The following PIK3R4 variants were observed in gnomAD, a reference collection of about 807,000 sequenced individuals.
PIK3R4 encodes the protein phosphoinositide 3-kinase regulatory subunit 4.
PIK3R4 carries 46 observed loss-of-function variants against 136.5 expected under a neutral mutation model. That is an observed-to-expected ratio of 0.34 (90% CI 0.27 to 0.43). The LOEUF is 0.43. Ranked by LOEUF, PIK3R4 falls within the 20% of genes least tolerant of loss-of-function variation. PIK3R4 has a pLI of 1.00. For synonymous variants in PIK3R4, 557 were observed against 566.7 expected, an observed-to-expected ratio of 0.98 and a Z score of 0.24; for missense variants, 1,331 against 1,649.5, an observed-to-expected ratio of 0.81 and a Z score of 3.35.
intron 6 of PIK3R4, 149 bp from the exon 7 acceptor site, chr3:130,723,736 A>G (rs1043246044): frequency 1.7e-6 from 1 of 577,990 alleles, no homozygotes; most frequent in African/African-American, 1.9e-5. Flanking sequence ...TGATAAAGTT[A>G]AAAAGACCCA....
Position 130,728,173 on chromosome 3 carries a change from T to C in PIK3R4, c.1807+290A>G, listed in dbSNP as rs1444052146. ...TTTAAGAGGATTTACAACCTACTTA[T>C]GTCACTTTAACATACTTCATGGTAC... is the stretch of plus-strand genomic sequence containing the variant. On this transcript the variant is annotated intron_variant, in intron 6 of 19. Coordinates refer to ENST00000356763, the MANE Select transcript of PIK3R4 (RefSeq NM_014602.3). 4.6e-5 allele frequency among the ~76,000 whole-genome samples: 7 copies of C among 152,344 alleles called. No homozygotes were observed. The East Asian group carries it at 1.2e-3, about 25-fold the overall frequency.
intron 7 of PIK3R4, among the ~76,000 whole-genome samples, chr3:130,722,163 T>C (rs1056336051): frequency 6.9e-6 from 1 of 144,550 alleles, no homozygotes; most frequent in Admixed American, 7.4e-5. Flanking sequence ...TGTTTTTTAC[T>C]TTTAAACAGT....
At position 130,679,076 on chromosome 3, in the gene PIK3R4, C is replaced by CAT; in HGVS notation, c.*237_*238dup. ...TATTTTACATTTCTCACCTCTATAACATATACAATAAAAATCCCAGACATT... is the reference window on the plus strand; with the variant it reads ...TATTTTACATTTCTCACCTCTATAACATATATACAATAAAAATCCCAGACATT... On this transcript the variant is annotated 3_prime_UTR_variant, in exon 20 of 20. Coordinates refer to ENST00000356763, the MANE Select transcript of PIK3R4 (RefSeq NM_014602.3). The CAT allele has an allele frequency of 3.6e-6, 1 of 280,114 alleles. No individual in the cohort carries two copies. Among genetic ancestry groups the CAT allele is most frequent in the Non-Finnish European group, 6.6e-6 (1 of 150,986 alleles). The allele number at this position is 280,114 out of a possible 1,614,324, so 17.4% of individuals were successfully genotyped here.
chr3:130,733,791 G>C lies in PIK3R4; in HGVS notation c.1207C>G (p.Leu403Val). 6.2e-7 allele frequency: 1 copy of C among 1,614,120 alleles called. No individual in the cohort carries two copies. Among genetic ancestry groups the C allele is most frequent in the Non-Finnish European group, 8.5e-7 (1 of 1,179,980 alleles). The change falls in exon 4 of 20, where the codon CTT (leucine) becomes GTT (valine). Residue 403 changes from leucine (L) to valine (V), a missense_variant. Transcript: ENST00000356763. ...ACACTTAATCTTGGAGCCAAATGAA[G>C]AATCAGTTCCAAAGCAGCTAGTTTG... ...DSKLAALELI[L>V]HLAPRLSVEI... is the part of the protein sequence containing the mutation.
At chr3:130,728,284 C>T (rs947541208) in intron 6 of PIK3R4, among the ~76,000 whole-genome samples, 179 bp downstream of exon 6, 3 of 152,062 alleles carry the variant, frequency 2.0e-5, no homozygotes, top group Non-Finnish European at 4.4e-5. Flanking sequence ...ATATACCAAC[C>T]CTTTATTTTA....
chr3:130,728,811 A>C lies in PIK3R4; in HGVS notation c.1586-127T>G, dbSNP rs570364657. On this transcript the variant is annotated intron_variant, in intron 5 of 19. Coordinates refer to ENST00000356763, the MANE Select transcript of PIK3R4 (RefSeq NM_014602.3). Reference sequence around the variant, plus strand: ...ATCAGAGAGACTGATTACAGAATCCACCGAAGACTTTAATCACCAATTTTT... The same window carrying C: ...ATCAGAGAGACTGATTACAGAATCCCCCGAAGACTTTAATCACCAATTTTT... 1.0e-4 allele frequency: 62 copies of C among 601,642 alleles called. No individual in the cohort carries two copies. In the South Asian group the frequency reaches 1.9e-3, roughly 19 times the overall value. The allele number at this position is 601,642 out of a possible 1,614,324, so 37.3% of individuals were successfully genotyped here. A position where few individuals can be genotyped will look rare whatever the true frequency, so the allele number is the denominator to read the frequency against.
Position 130,744,899 on chromosome 3 carries a change from C to T in PIK3R4, c.320G>A (p.Arg107Gln), listed in dbSNP as rs267599606. ...ACTGATGCGATCATAGAGATTGTCT[C>T]GCACATACTGCCTAAAGAGCATAGC... ...KAAMLFRQYV[R>Q]DNLYDRISTR... is the part of the protein sequence containing the mutation. Residue 107 changes from arginine to glutamine, a missense_variant, in exon 2 of 20, where the codon CGA (arginine) becomes CAA (glutamine). Physicochemically the swap from Arg to Gln is conservative, Grantham distance 43 (BLOSUM62 1). Around this residue, in one of 2 missense-constraint regions of PIK3R4, gnomAD observed 151 missense variants for 242.5 expected, o/e 0.62. Coordinates refer to ENST00000356763, the MANE Select transcript of PIK3R4 (RefSeq NM_014602.3). 1 of 1,614,196 alleles carries T rather than the reference C, an allele frequency of 6.2e-7. No homozygotes were observed. The highest frequency in any genetic ancestry group is 8.5e-7 in the Non-Finnish European group (1 of 1,180,030).
chr3:130,743,814 T>A (rs775179223), intron 2 of PIK3R4, among the ~76,000 whole-genome samples: 19 of 152,144 alleles, frequency 1.2e-4, no homozygotes, highest in Non-Finnish European at 2.4e-4. Flanking sequence ...CAAAATTCAC[T>A]CTCCATGCTC....
At chr3:130,707,174 C>G (rs776845535) in intron 10 of PIK3R4, 39 bp from the exon 11 acceptor site, 9 of 1,449,132 alleles carry the variant, frequency 6.2e-6, no homozygotes, top group South Asian at 1.3e-5. Flanking sequence ...CTGAAGGTAG[C>G]CTTTAAAACC....
intron 7 of PIK3R4, among the ~76,000 whole-genome samples, chr3:130,722,071 CAT>C (rs1343672341): frequency 4.6e-5 from 7 of 151,980 alleles, no homozygotes; most frequent in African/African-American, 7.3e-5. Context: ...ACAGAATACA[CAT>C]AGTTTAAAAA....
intron 2 of PIK3R4, among the ~76,000 whole-genome samples, chr3:130,743,662 TCTA>T (rs2066836842): frequency 6.6e-6 from 1 of 152,122 alleles, no homozygotes; most frequent in African/African-American, 2.4e-5. Flanking sequence ...AACAATTCTA[TCTA>T]CTAATTATCT....
chr3:130,730,261 C>T, intron 5 of PIK3R4, 47 bp downstream of exon 5: 1 of 1,459,692 alleles, frequency 6.9e-7, no homozygotes, highest in Non-Finnish European at 9.4e-7. Context: ...TTAGCATCAG[C>T]AATTCATTCT....
At chr3:130,737,234 G>A (rs546058582) in intron 2 of PIK3R4, among the ~76,000 whole-genome samples, 1 of 152,146 alleles carries the variant, frequency 6.6e-6, no homozygotes, top group Non-Finnish European at 1.5e-5. Flanking sequence ...CACAACTACC[G>A]CCACACCCCT....
At chr3:130,696,889 C>T (rs1430510298) in intron 13 of PIK3R4, among the ~76,000 whole-genome samples, 1 of 151,998 alleles carries the variant, frequency 6.6e-6, no homozygotes, top group Non-Finnish European at 1.5e-5. Context: ...TTTTTCCCTT[C>T]AATTCTATCG....
chr3:130,739,648 A>G (rs1648242576), intron 2 of PIK3R4, among the ~76,000 whole-genome samples: 1 of 152,294 alleles, frequency 6.6e-6, no homozygotes. Context: ...CTGGGATTAC[A>G]AGTTTGAGCC....
chr3:130,686,445 G>C, intron 14 of PIK3R4, 23 bp from the exon 15 acceptor site: 1 of 1,424,368 alleles, frequency 7.0e-7, no homozygotes, highest in Non-Finnish European at 9.9e-7. Context: ...ACAAAGCACA[G>C]ACGTTTCCAG....
rs921353305 is a variant in PIK3R4, at chr3:130,730,326, T to C, written c.1567A>G (p.Asn523Asp). The C allele has an allele frequency of 3.1e-6, 5 of 1,591,230 alleles. No homozygotes were observed. The highest frequency in any genetic ancestry group is 1.4e-5 in the African/African-American group (1 of 73,478). Residue 523 changes from asparagine to aspartate, a missense_variant, in exon 5 of 20, where the codon AAT (asparagine) becomes GAT (aspartate). By Grantham distance (23) the Asn-to-Asp change is conservative. This residue lies in a region of PIK3R4 where 1,180 missense variants were observed against 1,407.0 expected (regional missense o/e 0.84). Transcript: ENST00000356763. ...ATACAACCTGTGTCATAATTTCCAT[T>C]TGGATGTGTAACCTCATCTATTTCT... ...NEEIDEVTHP[N>D]GNYDTELQAL...
At chr3:130,710,335 A>C (rs1215257092) in intron 9 of PIK3R4, among the ~76,000 whole-genome samples, 5 of 152,154 alleles carry the variant, frequency 3.3e-5, no homozygotes, top group African/African-American at 1.2e-4. Context: ...TTAACAGAAC[A>C]GAAAAACCAT....
At chr3:130,681,333 A>C (rs1164450290) in intron 17 of PIK3R4, among the ~76,000 whole-genome samples, 158 bp downstream of exon 17, 1 of 152,204 alleles carries the variant, frequency 6.6e-6, no homozygotes, top group Non-Finnish European at 1.5e-5. Flanking sequence ...GCAAGGAAAC[A>C]CTCATGTAGC....
Sources: gnomAD v4.1 joint callset for allele counts (sites outside exome capture counted in the v4.1 genomes callset) on GRCh38, gnomAD v4.1.1 for gene constraint, gnomAD v4.1.1 regional missense constraint, MANE v1.5 for transcripts, NCBI Gene and HGNC (gene_info 2026-07-23, HGNC 2026-07-21) for gene names.